Variants in SSC5D observed in about 807,000 individuals in gnomAD.
The protein encoded by SSC5D is soluble scavenger receptor cysteine-rich domain-containing protein SSC5D.
In SSC5D, 106 loss-of-function variants were observed where a neutral mutation model predicts 104.6. That is an observed-to-expected ratio of 1.01 (90% CI 0.87 to 1.19). The LOEUF is 1.19. Ranked by LOEUF, SSC5D falls within the 50% of genes most tolerant of loss-of-function variation. The pLI, the probability that SSC5D is intolerant of heterozygous loss-of-function variation, is 0.00. For synonymous variants in SSC5D, 860 were observed against 883.5 expected, an observed-to-expected ratio of 0.97 and a Z score of 0.47; for missense variants, 1,993 against 2,153.8, an observed-to-expected ratio of 0.93 and a Z score of 1.48.
intron 8 of SSC5D, among the ~76,000 whole-genome samples, chr19:55,495,665 G>A (rs1239917432): frequency 1.3e-5 from 2 of 152,066 alleles, no homozygotes; most frequent in African/African-American, 2.4e-5. Flanking sequence ...AGAGGATGGC[G>A]TGCCACACGG....
intron 6 of SSC5D, chr19:55,491,672 T>TC (rs1375775753): frequency 6.5e-6 from 1 of 153,596 alleles, no homozygotes; most frequent in Non-Finnish European, 1.4e-5. Flanking sequence ...TCCCAGGGGG[T>TC]CCCTCCCCTC....
Position 55,495,233 on chromosome 19 carries a change from A to ATATATATTTTT in SSC5D, c.1387+451_1387+452insATATATTTTTT, listed in dbSNP as rs1555765051. Among the ~76,000 whole-genome samples, 4 of 50,664 alleles carry ATATATATTTTT rather than the reference A, an allele frequency of 7.9e-5. 1 individual carries two copies. The East Asian group carries it at 2.8e-3, about 36-fold the overall frequency. The allele number at this position is 50,664 out of a possible 152,430, so 33.2% of individuals were successfully genotyped here. On this transcript the variant is annotated intron_variant, in intron 8 of 13. Coordinates refer to ENST00000389623, the MANE Select transcript of SSC5D (RefSeq NM_001144950.2). ...CCTCCTTTCATATATATATATATAT[A>ATATATATTTTT]TTTTTTTTTTTTTTTTTTTTTTTTT... is the stretch of plus-strand genomic sequence containing the variant.
chr19:55,501,043 A>C lies in SSC5D; in HGVS notation c.2627A>C (p.Asp876Ala). The C allele has an allele frequency of 6.4e-7, 1 of 1,551,926 alleles. No homozygotes were observed. Among genetic ancestry groups the C allele is most frequent in the Non-Finnish European group, 8.7e-7 (1 of 1,147,012 alleles). The change falls in exon 12 of 14, where the codon GAC becomes GCC. Residue 876 changes from aspartate to alanine, a missense_variant. Asp to Ala is a moderately radical substitution (Grantham distance 126). Coordinates refer to ENST00000389623, the MANE Select transcript of SSC5D (RefSeq NM_001144950.2). ...DVGLTCTGYT[D>A]YDDYPPWTWD... The stretch of plus-strand genomic sequence containing the variant: ...CCCAATTTCTCCAAAGGCTACACAG[A>C]CTATGACGATTATCCCCCCTGGACC...
At position 55,518,321 on chromosome 19, in the gene SSC5D, C is replaced by G. The variant is rs940365228; in HGVS notation, c.4045C>G (p.Leu1349Val). 3 of 1,550,924 alleles carry G rather than the reference C, an allele frequency of 1.9e-6. No individual in the cohort carries two copies. The highest frequency in any genetic ancestry group is 1.4e-5 in the African/African-American group (1 of 72,842). The stretch of plus-strand genomic sequence containing the variant: ...CCTTCCAACCTCCTTGGGGACAGAA[C>G]TCTCCTCTCCCACTCTAGCACCAAC... Reference protein sequence around the residue: ...VSLPTSLGTELSSPTLAPTVK... With the variant: ...VSLPTSLGTEVSSPTLAPTVK... Residue 1349 changes from leucine to valine, a missense_variant, in exon 14 of 14, where the codon CTC becomes GTC. Transcript: ENST00000389623.
In SSC5D at chr19:55,518,192, G is replaced by GATCCCACCACACCCCCTC; in HGVS notation, c.3917_3918insTCCCACCACACCCCCTCA (p.Thr1309_Thr1310insProProHisProThrThr). On this transcript the variant is annotated inframe_insertion, in exon 14 of 14. Coordinates refer to ENST00000389623, the MANE Select transcript of SSC5D (RefSeq NM_001144950.2). Reference sequence around the variant, plus strand: ...AACCCCTCACCCCACCATGACTCCTGACCCCACCACGACCCCTTACCCCAC... The same window carrying GATCCCACCACACCCCCTC: ...AACCCCTCACCCCACCATGACTCCTGATCCCACCACACCCCCTCACCCCACCACGACCCCTTACCCCAC... 8.7e-7 allele frequency: 1 copy of GATCCCACCACACCCCCTC among 1,148,560 alleles called. No individual in the cohort carries two copies. The highest frequency in any genetic ancestry group is 1.1e-6 in the Non-Finnish European group (1 of 910,314). 71.1% of individuals were successfully genotyped at this position (1,148,560 alleles called of 1,614,324 possible). A position where few individuals can be genotyped will look rare whatever the true frequency, so the allele number is the denominator to read the frequency against.
rs112405697 is a variant in SSC5D at position 55,500,879 on chromosome 19, C to T, written c.2617+75C>T. ...ATGGAGTCAGGGTGGGGCCAGGTGACGGCACCATGGTCGACTCTAAAGAAC... is the reference window on the plus strand; with the variant it reads ...ATGGAGTCAGGGTGGGGCCAGGTGATGGCACCATGGTCGACTCTAAAGAAC... On this transcript the variant is annotated intron_variant, in intron 11 of 13. Coordinates refer to ENST00000389623, the MANE Select transcript of SSC5D (RefSeq NM_001144950.2). This position sits in a 1 kb window ranked among gnomAD's most constrained non-coding sequence, Gnocchi z 4.6. 41 of 1,494,434 alleles carry T rather than the reference C, an allele frequency of 2.7e-5. No homozygotes were observed. Among genetic ancestry groups the T allele is most frequent in the Middle Eastern group, 1.9e-4 (1 of 5,246 alleles). 92.6% of individuals were successfully genotyped at this position (1,494,434 alleles called of 1,614,324 possible).
In SSC5D at chr19:55,493,884, C is replaced by T. The variant is rs967953661; in HGVS notation, c.1185C>T (p.His395=). The T allele has an allele frequency of 1.4e-5, 21 of 1,546,332 alleles. No individual in the cohort carries two copies. Among genetic ancestry groups the T allele is most frequent in the Non-Finnish European group, 1.8e-5 (21 of 1,145,868 alleles). ...CCTGGGGCCAGCATGACTGTCACCA[C>T]CGCGAGGACGCCGGGGCCGTGTGTG... ...ARPWGQHDCH[H]REDAGAVCDG... is the part of the protein sequence containing the mutation. Residue 395 remains histidine (H), a synonymous_variant, in exon 7 of 14, where the codon CAC becomes CAT. Coordinates refer to ENST00000389623, the MANE Select transcript of SSC5D (RefSeq NM_001144950.2).
intron 12 of SSC5D, among the ~76,000 whole-genome samples, chr19:55,507,665 CAAAA>C (rs61340967): frequency 2.6e-5 from 2 of 75,948 alleles, no homozygotes; most frequent in African/African-American, 1.2e-4. Flanking sequence ...GACTCCGTCT[CAAAA>C]AAAAAAAAAA....
Position 55,503,965 on chromosome 19 carries a change from C to T in SSC5D, c.2785+2764C>T. The T allele has an allele frequency of 4.2e-6, 3 of 722,536 alleles. No homozygotes were observed. The South Asian group carries it at 6.4e-5, about 15-fold the overall frequency. 44.8% of individuals were successfully genotyped at this position (722,536 alleles called of 1,614,324 possible). On this transcript the variant is annotated intron_variant, in intron 12 of 13. Transcript: ENST00000389623. This position sits in a 1 kb window ranked among gnomAD's most constrained non-coding sequence, Gnocchi z 4.0. ...CTGATTGGCCAGCCGGCGCATCGCC[C>T]GCAGTAATAATAGCTGGGCGAAGGG... is the stretch of plus-strand genomic sequence containing the variant.
chr19:55,512,899 G>A, intron 12 of SSC5D, 112 bp from the exon 13 acceptor site: 2 of 1,301,722 alleles, frequency 1.5e-6, no homozygotes, highest in East Asian at 2.5e-5. Context: ...CAGTGGCGGT[G>A]CAGTTGAGAC....
chr19:55,490,417 C>A lies in SSC5D; in HGVS notation c.586+9C>A. On this transcript the variant is annotated intron_variant, in intron 5 of 13. Transcript: ENST00000389623. Reference sequence around the variant, plus strand: ...AGGAGCCCCCCGCCAAGGTAAGCTCCCTGCAGGCTCCCCCGACCCCAAGGC... The same window carrying A: ...AGGAGCCCCCCGCCAAGGTAAGCTCACTGCAGGCTCCCCCGACCCCAAGGC... 5.1e-6 allele frequency: 5 copies of A among 982,546 alleles called. No homozygotes were observed. Among genetic ancestry groups the A allele is most frequent in the Non-Finnish European group, 7.4e-6 (5 of 673,928 alleles). The allele number at this position is 982,546 out of a possible 1,614,324, so 60.9% of individuals were successfully genotyped here.
In SSC5D at chr19:55,489,908, G is replaced by A. The variant is rs201151273; in HGVS notation, c.388G>A (p.Asp130Asn). The part of the protein sequence containing the change: ...AGQRVANSRD[D>N]STSPLDGAPW... ...TCAGCGTGTGGCTAACTCCAGGGACGACTCAACATCTCCCCTGGATGGGGC... is the reference window on the plus strand; with the variant it reads ...TCAGCGTGTGGCTAACTCCAGGGACAACTCAACATCTCCCCTGGATGGGGC... The change falls in exon 4 of 14, where the codon GAC (aspartate) becomes AAC (asparagine). Residue 130 changes from aspartate (D) to asparagine (N), a missense_variant. By Grantham distance (23) the Asp-to-Asn change is conservative (BLOSUM62 1). Coordinates refer to ENST00000389623, the MANE Select transcript of SSC5D (RefSeq NM_001144950.2). The A allele has an allele frequency of 7.6e-5, 117 of 1,548,604 alleles. No individual in the cohort carries two copies. The highest frequency in any genetic ancestry group is 4.6e-4 in the African/African-American group (33 of 72,400).
chr19:55,491,063 CG>C lies in SSC5D; in HGVS notation c.882del (p.Leu295TrpfsTer141). On this transcript the variant is annotated frameshift_variant, in exon 6 of 14. Transcript: ENST00000389623. LOFTEE classifies it high-confidence loss of function. ...GRSNCDHSED[A>X]GLVCTGPAPR... ...AGCAACTGTGACCACAGCGAGGATG[CG>C]GGGCTGGTCTGCACCGGTACGTCGG... 6.5e-7 allele frequency: 1 copy of C among 1,549,890 alleles called. No homozygotes were observed. Among genetic ancestry groups the C allele is most frequent in the Non-Finnish European group, 8.7e-7 (1 of 1,146,588 alleles).
At position 55,488,500 on chromosome 19, in the gene SSC5D, TCCCTCC is replaced by T; in HGVS notation, c.-88_-83del. On this transcript the variant is annotated 5_prime_UTR_variant, in exon 1 of 14. Coordinates refer to ENST00000389623, the MANE Select transcript of SSC5D (RefSeq NM_001144950.2). ...GGCCTGGGCGCCTCCAGCAGGCACT[TCCCTCC>T]CTCCCTCTCTCCCCAGCTGCCTCCT... 1 of 1,206,518 alleles carries T rather than the reference TCCCTCC, an allele frequency of 8.3e-7. No individual in the cohort carries two copies. The highest frequency in any genetic ancestry group is 1.2e-6 in the Non-Finnish European group (1 of 848,150). The allele number at this position is 1,206,518 out of a possible 1,614,324, so 74.7% of individuals were successfully genotyped here. A position where few individuals can be genotyped will look rare whatever the true frequency, so the allele number is the denominator to read the frequency against.
In SSC5D at chr19:55,489,526, C is replaced by T. The variant is rs1336276501; in HGVS notation, c.225C>T (p.Phe75=). 26 of 1,468,388 alleles carry T rather than the reference C, an allele frequency of 1.8e-5. No individual in the cohort carries two copies. Among genetic ancestry groups the T allele is most frequent in the South Asian group, 1.1e-4 (8 of 73,058 alleles). 91.0% of individuals were successfully genotyped at this position (1,468,388 alleles called of 1,614,324 possible). The part of the protein sequence containing the change: ...GALAAPGGAF[F]GEGAGPVWLS... ...TGGCCGCCCCGGGAGGCGCCTTCTTCGGGGAGGGGGCAGGGCCTGTGTGGC... is the reference window on the plus strand; with the variant it reads ...TGGCCGCCCCGGGAGGCGCCTTCTTTGGGGAGGGGGCAGGGCCTGTGTGGC... The change falls in exon 3 of 14, where the codon TTC becomes TTT. Residue 75 remains phenylalanine (F), a synonymous_variant. Transcript: ENST00000389623.
rs576454141 is a variant in SSC5D at position 55,490,945 on chromosome 19, G to A, written c.760G>A (p.Gly254Arg). 3.0e-5 allele frequency: 47 copies of A among 1,545,208 alleles called. No individual in the cohort carries two copies. In the South Asian group the frequency reaches 4.9e-4, roughly 16 times the overall value. ...ALAAPGGARF[G>R]PGAGPVWMDD... is the part of the protein sequence containing the mutation. Reference sequence around the variant, plus strand: ...GGCTGCCCCCGGCGGTGCCAGATTCGGGCCTGGTGCAGGGCCCGTGTGGAT... The same window carrying A: ...GGCTGCCCCCGGCGGTGCCAGATTCAGGCCTGGTGCAGGGCCCGTGTGGAT... The change falls in exon 6 of 14, where the codon GGG becomes AGG. Residue 254 changes from glycine (G) to arginine (R), a missense_variant. Physicochemically the swap from Gly to Arg is moderately radical, Grantham distance 125. Transcript: ENST00000389623.
rs925878 is a variant in SSC5D at position 55,518,642 on chromosome 19, C to G, written c.4366C>G (p.Pro1456Ala). 4 of 1,532,164 alleles carry G rather than the reference C, an allele frequency of 2.6e-6. No individual in the cohort carries two copies. In the South Asian group the frequency reaches 4.9e-5, roughly 19 times the overall value. The allele number at this position is 1,532,164 out of a possible 1,614,324, so 94.9% of individuals were successfully genotyped here. The change falls in exon 14 of 14, where the codon CCC (proline) becomes GCC (alanine). Residue 1456 changes from proline (P) to alanine (A), a missense_variant. This residue lies in a region of SSC5D where 349 missense variants were observed against 397.6 expected (regional missense o/e 0.88). Coordinates refer to ENST00000389623, the MANE Select transcript of SSC5D (RefSeq NM_001144950.2). ...CCCCTTGGATCATCCTCCCCTTGAC[C>G]CCCTCACCCTAGGGCCAACTCCTGG... ...AHPLDHPPLD[P>A]LTLGPTPGQS...
chr19:55,500,180 G>C lies in SSC5D; in HGVS notation c.2070G>C (p.Gln690His). The C allele has an allele frequency of 6.4e-7, 1 of 1,551,228 alleles. No individual in the cohort carries two copies. Among genetic ancestry groups the C allele is most frequent in the Non-Finnish European group, 8.7e-7 (1 of 1,146,838 alleles). The change falls in exon 10 of 14, where the codon CAG becomes CAC. Residue 690 changes from glutamine (Q) to histidine (H), a missense_variant. Transcript: ENST00000389623. This position sits in a 1 kb window ranked among gnomAD's most constrained non-coding sequence, Gnocchi z 4.6. ...GAAGGCCGACCACGGAGGCCCCCCA[G>C]AGATGGACCTCTCACACCACTGCCA... Reference protein sequence around the residue: ...FTRRPTTEAPQRWTSHTTATL... With the variant: ...FTRRPTTEAPHRWTSHTTATL...
At chr19:55,515,503 C>A (rs905122731) in intron 13 of SSC5D, among the ~76,000 whole-genome samples, 1 of 151,486 alleles carries the variant, frequency 6.6e-6, no homozygotes, top group South Asian at 2.1e-4. Flanking sequence ...GAGGCCGAAG[C>A]GGGCGGATCA....
Sources: allele counts gnomAD v4.1 joint callset (sites outside exome capture counted in the v4.1 genomes callset), GRCh38; gene constraint gnomAD v4.1.1; regional missense constraint gnomAD v4.1.1; non-coding constraint Gnocchi (gnomAD v3.1); transcripts MANE v1.5; gene names NCBI Gene and HGNC (gene_info 2026-07-23, HGNC 2026-07-21).